PAPPA2: variants seen among roughly 807,000 people sequenced by gnomAD.
PAPPA2 encodes pappalysin 2, also known as pappalysin-2.
In PAPPA2, 86 loss-of-function variants were observed where a neutral mutation model predicts 176.4. That is an observed-to-expected ratio of 0.49 (90% CI 0.41 to 0.58). PAPPA2 has a LOEUF of 0.58. Among genes scored for constraint, PAPPA2 ranks in the 20% least tolerant of loss-of-function variants. PAPPA2 has a pLI of 0.00. For synonymous variants in PAPPA2, 809 were observed against 852.2 expected (o/e 0.95, Z 0.88); for missense variants, 2,073 against 2,256.9 (o/e 0.92, Z 1.65).
rs1352410440 is a variant in PAPPA2 at position 176,594,908 on chromosome 1, A to T, written c.1304A>T (p.Gln435Leu). The change falls in exon 3 of 23, where the codon CAA (glutamine) becomes CTA (leucine). Residue 435 changes from glutamine (Q) to leucine (L), a missense_variant. Coordinates refer to ENST00000367662, the MANE Select transcript of PAPPA2 (RefSeq NM_020318.3). ...TLVFWSTALP[Q>L]SHFQHSSQHS... ...GTTTTCTGGTCGACCGCCCTGCCAC[A>T]AAGCCATTTTCAGCACAGTTCTCAG... is the stretch of plus-strand genomic sequence containing the variant. 1 of 1,614,170 alleles carries T rather than the reference A, an allele frequency of 6.2e-7. No individual in the cohort carries two copies. Among genetic ancestry groups the T allele is most frequent in the Admixed American group, 1.7e-5 (1 of 60,018 alleles).
chr1:176,695,800 C>T lies in PAPPA2; in HGVS notation c.2687C>T (p.Thr896Ile), dbSNP rs200053101. The change falls in exon 7 of 23, where the codon ACA (threonine) becomes ATA (isoleucine). Residue 896 changes from threonine to isoleucine, a missense_variant. Physicochemically the swap from Thr to Ile is moderately conservative, Grantham distance 89. Transcript: ENST00000367662. ...EDGTFRQYVH[T>I]ASSRRVCDSS... ...GGGACCTTTCGTCAGTATGTGCACA[C>T]AGCTTCCTCCCGGCGGGTGTGTGAC... 6.2e-7 allele frequency: 1 copy of T among 1,614,136 alleles called. No individual in the cohort carries two copies.
rs573040914 is a variant in PAPPA2, at chr1:176,600,116, C to T, written c.1991+4521C>T. Among the ~76,000 whole-genome samples, 15 of 152,234 alleles carry T rather than the reference C, an allele frequency of 9.9e-5. No individual in the cohort carries two copies. In the East Asian group the frequency reaches 2.7e-3, roughly 27 times the overall value. On this transcript the variant is annotated intron_variant, in intron 3 of 22. Coordinates refer to ENST00000367662, the MANE Select transcript of PAPPA2 (RefSeq NM_020318.3). ...GCATGGTAAGGTAAGCAGAGGGACA[C>T]ACGTAAAGACTATGGAAAGGATAAG...
At chr1:176,697,958 C>CA in intron 7 of PAPPA2, among the ~76,000 whole-genome samples, 1 of 152,086 alleles carries the variant, frequency 6.6e-6, no homozygotes, top group Non-Finnish European at 1.5e-5. Context: ...ACAATATAGG[C>CA]AAAAAACAAT....
At chr1:176,761,199 G>A (rs1558567050) in intron 14 of PAPPA2, among the ~76,000 whole-genome samples, 3 of 152,174 alleles carry the variant, frequency 2.0e-5, no homozygotes, top group Admixed American at 6.5e-5. Flanking sequence ...GCTTATCAGA[G>A]CGGAGAGACA....
chr1:176,727,602 T>G (rs897340177), intron 12 of PAPPA2, among the ~76,000 whole-genome samples: 3 of 152,070 alleles, frequency 2.0e-5, no homozygotes, highest in African/African-American at 7.2e-5. Flanking sequence ...CAGCCAAATT[T>G]ATAATCATAG....
At chr1:176,693,967 C>A (rs1049093177) in intron 6 of PAPPA2, among the ~76,000 whole-genome samples, 1 of 152,178 alleles carries the variant, frequency 6.6e-6, no homozygotes, top group Non-Finnish European at 1.5e-5. Flanking sequence ...GACATCAGTA[C>A]GGGCGTGCTG....
At chr1:176,760,439 T>C (rs911772757) in intron 14 of PAPPA2, among the ~76,000 whole-genome samples, 2 of 152,350 alleles carry the variant, frequency 1.3e-5, no homozygotes, top group South Asian at 4.1e-4. Context: ...GGTGGAGCTT[T>C]ACTCCTAGTG....
At chr1:176,532,751 C>T (rs1649882584) in intron 1 of PAPPA2, among the ~76,000 whole-genome samples, 1 of 152,208 alleles carries the variant, frequency 6.6e-6, no homozygotes, top group Non-Finnish European at 1.5e-5. Context: ...CACACAGCCA[C>T]GTCATGTCAT....
intron 12 of PAPPA2, among the ~76,000 whole-genome samples, chr1:176,716,231 C>CTTTTTTTT (rs371904164): frequency 4.5e-5 from 6 of 133,230 alleles, no homozygotes; most frequent in Admixed American, 7.6e-5. Flanking sequence ...TAACCTCTTT[C>CTTTTTTTT]TTTTTTTTTT....
intron 2 of PAPPA2, among the ~76,000 whole-genome samples, chr1:176,592,399 GT>G (rs1653721553): frequency 6.6e-6 from 1 of 152,072 alleles, no homozygotes; most frequent in South Asian, 2.1e-4. Context: ...CTTTTTTGAT[GT>G]AATTTCTAAA....
chr1:176,579,347 G>A (rs2102625653), intron 2 of PAPPA2, among the ~76,000 whole-genome samples: 1 of 152,274 alleles, frequency 6.6e-6, no homozygotes, highest in East Asian at 1.9e-4. Flanking sequence ...CTTCCCATTA[G>A]CCCCTCCTTA....
At chr1:176,567,921 T>A (rs975618998) in intron 2 of PAPPA2, among the ~76,000 whole-genome samples, 1 of 152,192 alleles carries the variant, frequency 6.6e-6, no homozygotes, top group Admixed American at 6.5e-5. Context: ...ATATCAGGCC[T>A]AAAGTAGGTG....
At chr1:176,629,542 C>G (rs1656227684) in intron 3 of PAPPA2, among the ~76,000 whole-genome samples, 1 of 151,970 alleles carries the variant, frequency 6.6e-6, no homozygotes. Context: ...TTGAATTAAG[C>G]TGGGATGTAA....
chr1:176,536,128 A>T (rs1650055022), intron 1 of PAPPA2, among the ~76,000 whole-genome samples: 3 of 152,210 alleles, frequency 2.0e-5, no homozygotes. Flanking sequence ...AAATAATAGC[A>T]TCATTAGCAA....
At chr1:176,623,627 T>TTC (rs1655748315) in intron 3 of PAPPA2, among the ~76,000 whole-genome samples, 1 of 81,904 alleles carries the variant, frequency 1.2e-5, no homozygotes, top group South Asian at 5.4e-4. Flanking sequence ...TCCTTCCTTT[T>TTC]TTACTTTCTT....
chr1:176,746,913 A>C (rs958398153), intron 14 of PAPPA2, among the ~76,000 whole-genome samples: 4 of 152,142 alleles, frequency 2.6e-5, no homozygotes, highest in African/African-American at 9.7e-5. Flanking sequence ...GTGTGTATTC[A>C]TGTGCGTTTG....
At chr1:176,718,755 C>G (rs1571222866) in intron 12 of PAPPA2, among the ~76,000 whole-genome samples, 1 of 148,850 alleles carries the variant, frequency 6.7e-6, no homozygotes, top group Non-Finnish European at 1.5e-5. Flanking sequence ...AAAGTATATT[C>G]TATATTTCAA....
At chr1:176,587,822 C>A (rs1653414263) in intron 2 of PAPPA2, among the ~76,000 whole-genome samples, 1 of 152,126 alleles carries the variant, frequency 6.6e-6, no homozygotes, top group South Asian at 2.1e-4. Flanking sequence ...AGCAGCAAAC[C>A]AACATGGCAC....
At chr1:176,767,874 G>C (rs1306485300) in intron 15 of PAPPA2, among the ~76,000 whole-genome samples, 1 of 152,162 alleles carries the variant, frequency 6.6e-6, no homozygotes, top group Admixed American at 6.5e-5. Context: ...AAGACAGTGG[G>C]GATATTTGCT....
Sources: allele counts gnomAD v4.1 joint callset (sites outside exome capture counted in the v4.1 genomes callset), GRCh38; gene constraint gnomAD v4.1.1; transcripts MANE v1.5; gene names NCBI Gene and HGNC (gene_info 2026-07-23, HGNC 2026-07-21).